Variants in WAC observed in about 807,000 individuals in gnomAD.
WAC encodes WW domain-containing adapter protein with coiled-coil.
Under a neutral mutation model 79.6 loss-of-function variants are expected in WAC, and 11 were observed. The ratio of observed to expected loss-of-function variants is 0.14; its 90% CI spans 0.09 to 0.23. The LOEUF (loss-of-function observed/expected upper bound fraction) is 0.23. Ranked by LOEUF, WAC falls within the 10% of genes least tolerant of loss-of-function variation. The pLI is 1.00. For missense variants in WAC, 728 were observed against 773.5 expected, an observed-to-expected ratio of 0.94 and a Z score of 0.70; for synonymous variants, 304 against 276.9, an observed-to-expected ratio of 1.10 and a Z score of -0.97.
chr10:28,559,900 C>G (rs1373592843), intron 3 of WAC, among the ~76,000 whole-genome samples: 1 of 152,114 alleles, frequency 6.6e-6, no homozygotes, highest in African/African-American at 2.4e-5. Flanking sequence ...CTCACAAGGG[C>G]TAGATCATGT....
chr10:28,569,155 C>T (rs753976436), intron 3 of WAC, among the ~76,000 whole-genome samples: 2 of 152,182 alleles, frequency 1.3e-5, no homozygotes, highest in Non-Finnish European at 2.9e-5. Flanking sequence ...TAAGGAGACT[C>T]ACCTTTTCTA....
chr10:28,564,266 C>G (rs188474951), intron 3 of WAC, among the ~76,000 whole-genome samples: 149 of 152,166 alleles, frequency 9.8e-4, no homozygotes, highest in South Asian at 4.1e-4. Context: ...AAAACAAAAC[C>G]AAACAAAACA....
At chr10:28,551,202 A>T (rs765143634) in intron 3 of WAC, among the ~76,000 whole-genome samples, 7 of 152,176 alleles carry the variant, frequency 4.6e-5, no homozygotes, top group Non-Finnish European at 1.0e-4. Context: ...CATCCGTAAA[A>T]CTTCTCAGAT....
At chr10:28,548,299 A>T (rs1837475279) in intron 3 of WAC, among the ~76,000 whole-genome samples, 1 of 152,022 alleles carries the variant, frequency 6.6e-6, no homozygotes, top group Admixed American at 6.6e-5. Context: ...TATCCGTTAG[A>T]GAGTCATCTT....
intron 7 of WAC, among the ~76,000 whole-genome samples, chr10:28,596,629 A>G (rs1275396428): frequency 2.6e-5 from 4 of 152,326 alleles, no homozygotes; most frequent in Non-Finnish European, 5.9e-5. Flanking sequence ...AAATTTAAGA[A>G]CAACTACTTG....
chr10:28,619,366 G>T (rs1841610152), intron 13 of WAC, among the ~76,000 whole-genome samples, 171 bp from the exon 14 acceptor site: 1 of 152,064 alleles, frequency 6.6e-6, no homozygotes, highest in Non-Finnish European at 1.5e-5. Flanking sequence ...TGTATTAAAT[G>T]TTTACTTTGT....
At chr10:28,549,514 C>G (rs902367980) in intron 3 of WAC, among the ~76,000 whole-genome samples, 2 of 152,030 alleles carry the variant, frequency 1.3e-5, no homozygotes, top group African/African-American at 4.8e-5. Context: ...TTCTTTTTTC[C>G]TGTGTTTATG....
rs149464151 is a variant in WAC, at chr10:28,576,946, C to G, written c.275-6453C>G. Among the ~76,000 whole-genome samples the G allele has an allele frequency of 1.8e-3, 280 of 152,166 alleles. 1 individual carries two copies. The highest frequency in any genetic ancestry group is 0.01 in the Middle Eastern group (3 of 294). ...TGTTTTTTTACCTAAGTCTTGGAAT[C>G]TAGTATCTATTTTACACATACAGAA... is the stretch of plus-strand genomic sequence containing the variant. On this transcript the variant is annotated intron_variant, in intron 3 of 13. Transcript: ENST00000354911.
chr10:28,589,635 ATCTCATAAGTGTTT>A, intron 4 of WAC, 87 bp from the exon 5 acceptor site: 1 of 683,034 alleles, frequency 1.5e-6, no homozygotes, highest in Non-Finnish European at 2.5e-6. Flanking sequence ...GAGTACCTTT[ATCTCATAAGTGTTT>A]TCCTGTATGT....
At chr10:28,541,705 A>G (rs1330899826) in intron 3 of WAC, among the ~76,000 whole-genome samples, 1 of 152,124 alleles carries the variant, frequency 6.6e-6, no homozygotes, top group Non-Finnish European at 1.5e-5. Flanking sequence ...ATGAAATTAT[A>G]AAGTATTTAG....
In WAC at chr10:28,608,237, C is replaced by T. The variant is rs749833737; in HGVS notation, c.971C>T (p.Thr324Met). 4.3e-6 allele frequency: 7 copies of T among 1,614,066 alleles called. No homozygotes were observed. Among genetic ancestry groups the T allele is most frequent in the African/African-American group, 4.0e-5 (3 of 74,930 alleles). ...PVSHSCTTPS[T>M]SSASGLNPTS... Reference sequence around the variant, plus strand: ...TCACATTCTTGCACAACTCCTTCCACGTCTTCTGCCTCTGGACTGAACCCC... The same window carrying T: ...TCACATTCTTGCACAACTCCTTCCATGTCTTCTGCCTCTGGACTGAACCCC... The change falls in exon 8 of 14, where the codon ACG becomes ATG. Residue 324 changes from threonine to methionine, a missense_variant. Thr to Met is a moderately conservative substitution (Grantham distance 81). This residue lies in a region of WAC where 648 missense variants were observed against 661.5 expected (regional missense o/e 0.98). Transcript: ENST00000354911.
chr10:28,590,843 A>AT lies in WAC; in HGVS notation c.610+19dup, dbSNP rs762821612. The stretch of plus-strand genomic sequence containing the variant: ...GGTTTGCCAGTGGAAGTAAGTATTA[A>AT]TTTTTTTTCTTTGAAATGTATGTTT... On this transcript the variant is annotated intron_variant, in intron 6 of 13. Coordinates refer to ENST00000354911, the MANE Select transcript of WAC (RefSeq NM_016628.5). 1.7e-5 allele frequency: 27 copies of AT among 1,593,514 alleles called. No homozygotes were observed. The highest frequency in any genetic ancestry group is 3.4e-5 in the South Asian group (3 of 87,536).
At chr10:28,552,142 A>G (rs1031068509) in intron 3 of WAC, among the ~76,000 whole-genome samples, 5 of 152,150 alleles carry the variant, frequency 3.3e-5, no homozygotes, top group Middle Eastern at 3.4e-3. Flanking sequence ...AATAATGTTT[A>G]CTTTTTAAAA....
intron 3 of WAC, among the ~76,000 whole-genome samples, chr10:28,552,845 CTTTTTTT>C (rs3029447): frequency 1.1e-4 from 9 of 84,340 alleles, no homozygotes; most frequent in African/African-American, 3.7e-4. Context: ...CACTTGGCTG[CTTTTTTT>C]TTTTTTTTTT....
chr10:28,614,152 C>T (rs754300229), intron 10 of WAC, among the ~76,000 whole-genome samples: 2 of 151,880 alleles, frequency 1.3e-5, no homozygotes, highest in East Asian at 1.9e-4. Flanking sequence ...GTCGCCCAGG[C>T]GGGAGTGCTG....
chr10:28,536,464 T>G (rs1261795316), intron 3 of WAC, among the ~76,000 whole-genome samples: 3 of 152,216 alleles, frequency 2.0e-5, no homozygotes, highest in African/African-American at 7.2e-5. Flanking sequence ...AATGATAAAC[T>G]ATGAATTTAA....
chr10:28,601,630 A>G (rs1039677302), intron 7 of WAC, among the ~76,000 whole-genome samples: 1 of 152,186 alleles, frequency 6.6e-6, no homozygotes. Context: ...TTCACAACAG[A>G]CAAACATTAG....
intron 7 of WAC, among the ~76,000 whole-genome samples, chr10:28,603,960 T>A (rs1188846706): frequency 3.5e-3 from 11 of 3,100 alleles, no homozygotes; most frequent in Admixed American, 0.014. Context: ...TATGTATGTA[T>A]GTATATATAT....
At chr10:28,550,289 A>ATCTTTT (rs1353330848) in intron 3 of WAC, among the ~76,000 whole-genome samples, 2 of 145,238 alleles carry the variant, frequency 1.4e-5, no homozygotes, top group African/African-American at 5.0e-5. Flanking sequence ...AGTCCTAGGC[A>ATCTTTT]TCTTTTTTTT....
Sources: allele counts gnomAD v4.1 joint callset (sites outside exome capture counted in the v4.1 genomes callset), GRCh38; gene constraint gnomAD v4.1.1; regional missense constraint gnomAD v4.1.1; transcripts MANE v1.5; gene names NCBI Gene and HGNC (gene_info 2026-07-23, HGNC 2026-07-21).